The following CELF2 variants were observed in gnomAD, a reference collection of about 807,000 sequenced individuals.
CELF2 encodes the protein CUG triplet repeat RNA-binding protein 2.
CELF2 carries 8 observed loss-of-function variants against 62.6 expected under a neutral mutation model. The observed-to-expected ratio is 0.13, with a 90% CI of 0.07 to 0.23. The LOEUF is 0.23. Ranked by LOEUF, CELF2 falls within the 10% of genes least tolerant of loss-of-function variation. The pLI, the probability that CELF2 is intolerant of heterozygous loss-of-function variation, is 1.00. For missense variants in CELF2, 333 were observed against 671.0 expected (o/e 0.50, Z 5.56); for synonymous variants, 258 against 250.0 (o/e 1.03, Z -0.30).
At chr10:10,726,154 CT>C in the CELF2 span, among the ~76,000 whole-genome samples, 1,599 of 152,224 alleles carry the variant, frequency 0.011, 24 homozygotes, top group African/African-American at 0.035. Context: ...ACCAACACAC[CT>C]TCAGTCGGCT....
At chr10:10,724,376 C>T in the CELF2 span, among the ~76,000 whole-genome samples, 10 of 152,170 alleles carry the variant, frequency 6.6e-5, no homozygotes, top group African/African-American at 2.2e-4. Flanking sequence ...GGCCTGTAAT[C>T]CCAGCATGGT....
intron 2 of CELF2, among the ~76,000 whole-genome samples, chr10:10,989,858 T>C (rs1324309792): frequency 6.6e-6 from 1 of 151,980 alleles, no homozygotes; most frequent in Non-Finnish European, 1.5e-5. Context: ...CAAAGGACAA[T>C]AAACATTGGG....
chr10:10,908,010 A>ATC (rs371118749), intron 1 of CELF2, among the ~76,000 whole-genome samples: 1 of 151,594 alleles, frequency 6.6e-6, no homozygotes, highest in Non-Finnish European at 1.5e-5. Context: ...AAAGATGTTC[A>ATC]TCTCTCTCTC....
At chr10:10,783,251 T>A in the CELF2 span, among the ~76,000 whole-genome samples, 3 of 152,092 alleles carry the variant, frequency 2.0e-5, no homozygotes, top group Non-Finnish European at 4.4e-5. Context: ...GATGCACAAG[T>A]TGAGGTCATT....
the CELF2 span, among the ~76,000 whole-genome samples, chr10:10,519,241 T>G: frequency 6.6e-6 from 1 of 152,286 alleles, no homozygotes; most frequent in East Asian, 1.9e-4. Flanking sequence ...TCTCTGGAAA[T>G]GGTTGCTTGT....
chr10:10,894,760 GA>G (rs2062416386), intron 1 of CELF2, among the ~76,000 whole-genome samples: 1 of 152,170 alleles, frequency 6.6e-6, no homozygotes, highest in South Asian at 2.1e-4. Context: ...CACAAACTTA[GA>G]GTGCAGGGCA....
chr10:11,220,561 A>C lies in CELF2; in HGVS notation c.354+3054A>C, dbSNP rs1400389922. ...TGACAGATCAGGGCTCTTACGGAGCAGTGCAAAATCATTGAAGACACGTTT... is the reference window on the plus strand; with the variant it reads ...TGACAGATCAGGGCTCTTACGGAGCCGTGCAAAATCATTGAAGACACGTTT... On this transcript the variant is annotated intron_variant, in intron 3 of 12. Coordinates refer to ENST00000633077, the MANE Select transcript of CELF2 (RefSeq NM_001326342.2). This position sits in a 1 kb window ranked among gnomAD's most constrained non-coding sequence, Gnocchi z 4.4. 6.6e-6 allele frequency among the ~76,000 whole-genome samples: 1 copy of C among 152,270 alleles called. No homozygotes were observed. The highest frequency in any genetic ancestry group is 2.4e-5 in the African/African-American group (1 of 41,470).
rs964788720 is a variant in CELF2 at position 11,075,058 on chromosome 10, C to T, written c.74+56895C>T. On this transcript the variant is annotated intron_variant, in intron 1 of 12. Transcript: ENST00000633077. The surrounding 1 kb of genome is among the most constrained non-coding windows in gnomAD (Gnocchi z 5.4). ...ATGGAATTGAAAGATGCTTTCGATT[C>T]TCTTGTTTCCTCTTGTCACTATGGG... The T allele has an allele frequency of 4.6e-5, 7 of 152,186 alleles. No individual in the cohort carries two copies. Among genetic ancestry groups the T allele is most frequent in the African/African-American group, 1.7e-4 (7 of 41,446 alleles). The allele number at this position is 152,186 out of a possible 1,614,324, so 9.4% of individuals were successfully genotyped here.
chr10:10,493,630 C>A, the CELF2 span, among the ~76,000 whole-genome samples: 1 of 151,202 alleles, frequency 6.6e-6, no homozygotes, highest in Non-Finnish European at 1.5e-5. Context: ...CTCCCAGATT[C>A]AAGCAATTCT....
chr10:11,320,443 T>A (rs1264231844), intron 10 of CELF2, among the ~76,000 whole-genome samples: 1 of 152,196 alleles, frequency 6.6e-6, no homozygotes, highest in Non-Finnish European at 1.5e-5. Flanking sequence ...ACGCACAGAA[T>A]AACTATTTGC....
the CELF2 span, among the ~76,000 whole-genome samples, chr10:10,538,460 T>A: frequency 6.6e-6 from 1 of 152,262 alleles, no homozygotes; most frequent in Middle Eastern, 3.4e-3. Flanking sequence ...TGCCACTCCC[T>A]ATGCTTGATC....
chr10:10,988,655 A>G (rs1330446287), intron 2 of CELF2, among the ~76,000 whole-genome samples: 1 of 152,082 alleles, frequency 6.6e-6, no homozygotes, highest in Non-Finnish European at 1.5e-5. Context: ...TACCCCAAAA[A>G]CTATTGAAGT....
At chr10:10,728,605 A>G in the CELF2 span, among the ~76,000 whole-genome samples, 2 of 152,158 alleles carry the variant, frequency 1.3e-5, no homozygotes, top group Non-Finnish European at 2.9e-5. Context: ...TTATGGTTAC[A>G]TGGTGAATAG....
chr10:10,696,302 A>C, the CELF2 span, among the ~76,000 whole-genome samples: 1 of 151,748 alleles, frequency 6.6e-6, no homozygotes, highest in Non-Finnish European at 1.5e-5. Context: ...GGTGCCTCCC[A>C]GTTAGGCTGC....
At chr10:10,772,188 G>C in the CELF2 span, among the ~76,000 whole-genome samples, 3 of 152,100 alleles carry the variant, frequency 2.0e-5, no homozygotes, top group Non-Finnish European at 4.4e-5. Context: ...ACTAGCTTAA[G>C]ACTGTTCTGA....
At chr10:10,773,066 T>A in the CELF2 span, among the ~76,000 whole-genome samples, 1 of 152,226 alleles carries the variant, frequency 6.6e-6, no homozygotes, top group African/African-American at 2.4e-5. Flanking sequence ...CCTGACATGC[T>A]GATTTAGCAT....
At position 11,110,501 on chromosome 10, in the gene CELF2, A is replaced by G. The variant is rs2054857854; in HGVS notation, c.75-54985A>G. Among the ~76,000 whole-genome samples, 1 of 152,208 alleles carries G rather than the reference A, an allele frequency of 6.6e-6. No homozygotes were observed. ...GCTTATTTTTCTGCTTCGTCTAAACACTGCTAGATTGATGAAATACACTAA... is the reference window on the plus strand; with the variant it reads ...GCTTATTTTTCTGCTTCGTCTAAACGCTGCTAGATTGATGAAATACACTAA... On this transcript the variant is annotated intron_variant, in intron 1 of 12. Transcript: ENST00000633077. The surrounding 1 kb of genome is among the most constrained non-coding windows in gnomAD (Gnocchi z 4.0).
intron 2 of CELF2, among the ~76,000 whole-genome samples, chr10:10,970,189 C>T (rs571639272): frequency 6.6e-6 from 1 of 152,310 alleles, no homozygotes; most frequent in South Asian, 2.1e-4. Context: ...CTGCCTCAGC[C>T]TCCCGAATAG....
chr10:11,336,461 C>T lies in CELF2; in HGVS notation c.*7408C>T, dbSNP rs922153815. ...ATCAGGAACACAATACTGGATGTGT[C>T]TTATATATATTGAACTATATAGTAC... On this transcript the variant is annotated 3_prime_UTR_variant, in exon 13 of 13. Transcript: ENST00000633077. The surrounding 1 kb of genome is among the most constrained non-coding windows in gnomAD (Gnocchi z 5.4). 6.6e-6 allele frequency: 1 copy of T among 152,540 alleles called. No individual in the cohort carries two copies. Among genetic ancestry groups the T allele is most frequent in the South Asian group, 2.1e-4 (1 of 4,814 alleles). 9.4% of individuals were successfully genotyped at this position (152,540 alleles called of 1,614,324 possible).
Sources: gnomAD v4.1 joint callset for allele counts (sites outside exome capture counted in the v4.1 genomes callset) on GRCh38, gnomAD v4.1.1 for gene constraint, Gnocchi (gnomAD v3.1) non-coding constraint, MANE v1.5 for transcripts, NCBI Gene and HGNC (gene_info 2026-07-23, HGNC 2026-07-21) for gene names.